FLACC1: variants seen among roughly 807,000 people sequenced by gnomAD.
FLACC1 encodes flagellum associated containing coiled-coil domains 1.
A neutral mutation model predicts 62.8 loss-of-function variants in FLACC1; 66 were observed. The observed-to-expected ratio is 1.05, with a 90% CI of 0.86 to 1.29. FLACC1 has a LOEUF of 1.29. FLACC1 is among the 50% of genes most tolerant of loss of function. The pLI, the probability that FLACC1 is intolerant of heterozygous loss-of-function variation, is 0.00. For missense variants in FLACC1, 452 were observed against 489.1 expected (o/e 0.92, Z 0.71); for synonymous variants, 156 against 161.0 (o/e 0.97, Z 0.24).
In FLACC1 at chr2:201,306,912, G is replaced by C. The variant is rs148488789; in HGVS notation, c.879+607C>G. ...ACTTTATGGAAGAACATATATGAAT[G>C]GACCAATAAGCATATGAGAAAATGC... On this transcript the variant is annotated intron_variant, in intron 11 of 14. Coordinates refer to ENST00000392257, the MANE Select transcript of FLACC1 (RefSeq NM_001127391.3). Among the ~76,000 whole-genome samples the C allele has an allele frequency of 6.2e-3, 948 of 152,180 alleles. 12 individuals carry two copies. The highest frequency in any genetic ancestry group is 0.022 in the African/African-American group (920 of 41,520).
intron 7 of FLACC1, among the ~76,000 whole-genome samples, chr2:201,336,341 G>C (rs1950696149): frequency 6.6e-6 from 1 of 152,226 alleles, no homozygotes; most frequent in South Asian, 2.1e-4. Flanking sequence ...ACATGATTTT[G>C]TTCTTTTTTA....
At chr2:201,300,658 C>G (rs1391041021) in intron 11 of FLACC1, among the ~76,000 whole-genome samples, 1 of 152,112 alleles carries the variant, frequency 6.6e-6, no homozygotes, top group Non-Finnish European at 1.5e-5. Context: ...AGAAGCCTAA[C>G]TGGGAGGCAC....
intron 7 of FLACC1, among the ~76,000 whole-genome samples, chr2:201,331,709 G>A (rs184812699): frequency 6.6e-6 from 1 of 152,332 alleles, no homozygotes; most frequent in Admixed American, 6.5e-5. Context: ...GGGATGGGAG[G>A]TAGGATGAAT....
At chr2:201,354,908 A>C (rs1951089779) in intron 1 of FLACC1, among the ~76,000 whole-genome samples, 1 of 152,312 alleles carries the variant, frequency 6.6e-6, no homozygotes, top group Middle Eastern at 3.4e-3. Flanking sequence ...GCTTGTCCAC[A>C]ACGGGCATTT....
rs571767675 is a variant in FLACC1, at chr2:201,330,542, C to T, written c.623-20G>A. The T allele has an allele frequency of 6.2e-7, 1 of 1,610,622 alleles. No individual in the cohort carries two copies. The highest frequency in any genetic ancestry group is 1.3e-5 in the African/African-American group (1 of 74,914). ...TCTCCTCTGGATAAAAGGAAAACAACAGGATCATCATTAGTCTTCTGATAT... is the reference window on the plus strand; with the variant it reads ...TCTCCTCTGGATAAAAGGAAAACAATAGGATCATCATTAGTCTTCTGATAT... On this transcript the variant is annotated intron_variant, in intron 8 of 14. Transcript: ENST00000392257.
At chr2:201,348,686 G>T (rs1192334363) in intron 3 of FLACC1, among the ~76,000 whole-genome samples, 1 of 151,954 alleles carries the variant, frequency 6.6e-6, no homozygotes, top group East Asian at 1.9e-4. Context: ...GAACTGTGTG[G>T]AACTCTCTTT....
At chr2:201,289,287 C>T in intron 14 of FLACC1, 170 bp downstream of exon 14, 1 of 606,876 alleles carries the variant, frequency 1.6e-6, no homozygotes, top group South Asian at 2.0e-5. Flanking sequence ...CTCAAGTGAA[C>T]TATCTGGCTT....
At chr2:201,307,928 G>A (rs1950139352) in intron 10 of FLACC1, among the ~76,000 whole-genome samples, 1 of 152,192 alleles carries the variant, frequency 6.6e-6, no homozygotes, top group African/African-American at 2.4e-5. Context: ...TAACCACTAT[G>A]CTATCATGGA....
chr2:201,308,643 T>C (rs935812671), intron 10 of FLACC1, among the ~76,000 whole-genome samples: 3 of 152,120 alleles, frequency 2.0e-5, no homozygotes, highest in Admixed American at 2.0e-4. Flanking sequence ...GAATACTTTG[T>C]ATGGTGCAAG....
the FLACC1 span, among the ~76,000 whole-genome samples, chr2:201,363,496 C>G: frequency 6.6e-6 from 1 of 152,104 alleles, no homozygotes; most frequent in African/African-American, 2.4e-5. Context: ...CTGCCCCTCC[C>G]CATTCCAAGA....
intron 1 of FLACC1, among the ~76,000 whole-genome samples, chr2:201,352,730 G>C (rs1380671039): frequency 6.6e-6 from 1 of 152,162 alleles, no homozygotes; most frequent in Non-Finnish European, 1.5e-5. Context: ...GATGAATACT[G>C]TCCCTTTCCC....
Position 201,307,631 on chromosome 2 carries a change from G to C in FLACC1, c.776-9C>G, listed in dbSNP as rs1315169030. 5 of 1,586,006 alleles carry C rather than the reference G, an allele frequency of 3.2e-6. No individual in the cohort carries two copies. In the Admixed American group the frequency reaches 8.3e-5, roughly 26 times the overall value. Reference sequence around the variant, plus strand: ...TTTGGTCATCTTTTTTTCTGTGGAAGTGACAGGAAAGCACATATATGTGTA... The same window carrying C: ...TTTGGTCATCTTTTTTTCTGTGGAACTGACAGGAAAGCACATATATGTGTA... On this transcript the variant is annotated splice_polypyrimidine_tract_variant and intron_variant, in intron 10 of 14. Coordinates refer to ENST00000392257, the MANE Select transcript of FLACC1 (RefSeq NM_001127391.3).
chr2:201,330,476 C>A lies in FLACC1; in HGVS notation c.669G>T (p.Thr223=), dbSNP rs139800644. 1.2e-6 allele frequency: 2 copies of A among 1,613,476 alleles called. No individual in the cohort carries two copies. Among genetic ancestry groups the A allele is most frequent in the East Asian group, 4.5e-5 (2 of 44,876 alleles). The change falls in exon 9 of 15, where the codon ACG becomes ACT. Residue 223 remains threonine (T), a synonymous_variant. Transcript: ENST00000392257. ...AGGGAGCTGTGTATCTCACCTGATA[C>A]GTACGAAACATATTCTTCAAATACT... ...EYKYLKNMFR[T]YQDSIYDEME...
intron 11 of FLACC1, among the ~76,000 whole-genome samples, chr2:201,300,293 G>A (rs1472742919): frequency 1.3e-5 from 2 of 152,208 alleles, no homozygotes; most frequent in Non-Finnish European, 2.9e-5. Flanking sequence ...GCATGGCTGG[G>A]AGGGTCCCAC....
chr2:201,330,456 G>A lies in FLACC1; in HGVS notation c.675+14C>T. ...TCCTTCTCTTGTAATCCAACAGGGA[G>A]CTGTGTATCTCACCTGATACGTACG... On this transcript the variant is annotated intron_variant, in intron 9 of 14. Transcript: ENST00000392257. 3 of 1,609,126 alleles carry A rather than the reference G, an allele frequency of 1.9e-6. No individual in the cohort carries two copies. Among genetic ancestry groups the A allele is most frequent in the Non-Finnish European group, 2.6e-6 (3 of 1,176,362 alleles).
At position 201,330,514 on chromosome 2, in the gene FLACC1, C is replaced by A; in HGVS notation, c.631G>T (p.Gly211Ter). 1 of 1,613,664 alleles carries A rather than the reference C, an allele frequency of 6.2e-7. No individual in the cohort carries two copies. ...LAAQEKLEEM[G>*]KEYKYLKNMF... ...TTCTTCAAATACTTGTATTCTTTTC[C>A]CATCTCCTCTGGATAAAAGGAAAAC... The change falls in exon 9 of 15, where the codon GGA becomes TGA. Residue 211 changes from glycine (G) to a stop codon, truncating the protein, a stop_gained. Coordinates refer to ENST00000392257, the MANE Select transcript of FLACC1 (RefSeq NM_001127391.3). LOFTEE classifies it high-confidence loss of function.
chr2:201,348,281 C>G lies in FLACC1; in HGVS notation c.207G>C (p.Arg69Ser), dbSNP rs758414642. ...VSPKMKIHSA[R>S]QEETNKSFYE... ...AAAATGATTTATTAGTCTCTTCTTGCCTTGCTGAATGGATTTTCATTCTGC... is the reference window on the plus strand; with the variant it reads ...AAAATGATTTATTAGTCTCTTCTTGGCTTGCTGAATGGATTTTCATTCTGC... The change falls in exon 4 of 15, where the codon AGG becomes AGC. Residue 69 changes from arginine (R) to serine (S), a missense_variant. This residue lies in a region of FLACC1 where 147 missense variants were observed against 152.7 expected (regional missense o/e 0.96). Coordinates refer to ENST00000392257, the MANE Select transcript of FLACC1 (RefSeq NM_001127391.3). 17 of 1,612,690 alleles carry G rather than the reference C, an allele frequency of 1.1e-5. No homozygotes were observed. Among genetic ancestry groups the G allele is most frequent in the Non-Finnish European group, 1.4e-5 (17 of 1,179,730 alleles).
intron 10 of FLACC1, 125 bp downstream of exon 10, chr2:201,309,026 A>G: frequency 4.0e-6 from 3 of 750,770 alleles, no homozygotes; most frequent in Non-Finnish European, 6.8e-6. Flanking sequence ...CCTTCCATTC[A>G]GGTATCTAGC....
intron 11 of FLACC1, 77 bp downstream of exon 11, chr2:201,307,442 A>T: frequency 9.6e-7 from 1 of 1,044,274 alleles, no homozygotes; most frequent in African/African-American, 1.6e-5. Context: ...TCACCTAATT[A>T]TGGAGGCACA....
Sources: gnomAD v4.1 joint callset for allele counts (sites outside exome capture counted in the v4.1 genomes callset) on GRCh38, gnomAD v4.1.1 for gene constraint, gnomAD v4.1.1 regional missense constraint, MANE v1.5 for transcripts, NCBI Gene and HGNC (gene_info 2026-07-23, HGNC 2026-07-21) for gene names.